Variants in PDCD4 observed in about 807,000 individuals in gnomAD.
The protein encoded by PDCD4 is programmed cell death protein 4.
Under a neutral mutation model 54.0 loss-of-function variants are expected in PDCD4, and 56 were observed. The ratio of observed to expected loss-of-function variants is 1.04; its 90% CI spans 0.84 to 1.30. The LOEUF is 1.30. Among genes scored for constraint, PDCD4 ranks in the 50% most tolerant of loss-of-function variants. PDCD4 has a pLI of 0.00. For missense variants in PDCD4, 584 were observed against 559.8 expected, an observed-to-expected ratio of 1.04 and a Z score of -0.44; for synonymous variants, 186 against 194.8, an observed-to-expected ratio of 0.95 and a Z score of 0.37.
In PDCD4 at chr10:110,887,850, A is replaced by G. The variant is rs1396285430; in HGVS notation, c.741A>G (p.Leu247=). The change falls in exon 6 of 12, where the codon CTA becomes CTG. Residue 247 remains leucine, a synonymous_variant. Transcript: ENST00000280154. Reference sequence around the variant, plus strand: ...CATTTGATAAATTGTTGAAAGATCTACCTGAATTAGCACTGGATACTCCTA... The same window carrying G: ...CATTTGATAAATTGTTGAAAGATCTGCCTGAATTAGCACTGGATACTCCTA... ...EKSFDKLLKD[L]PELALDTPRA... The G allele has an allele frequency of 1.2e-6, 2 of 1,612,996 alleles. No individual in the cohort carries two copies. Among genetic ancestry groups the G allele is most frequent in the East Asian group, 2.2e-5 (1 of 44,836 alleles).
Position 110,873,348 on chromosome 10 carries a change from G to A in PDCD4, c.-63+1330G>A, listed in dbSNP as rs557788105. ...AATTAGCCGTTCGTAGCCGAAGAATGAATACAAGTAATCCTAGTTAATAAA... is the reference window on the plus strand; with the variant it reads ...AATTAGCCGTTCGTAGCCGAAGAATAAATACAAGTAATCCTAGTTAATAAA... On this transcript the variant is annotated intron_variant, in intron 1 of 11. Coordinates refer to ENST00000280154, the MANE Select transcript of PDCD4 (RefSeq NM_014456.5). Among the ~76,000 whole-genome samples, 27 of 152,322 alleles carry A rather than the reference G, an allele frequency of 1.8e-4. 1 individual carries two copies. In the South Asian group the frequency reaches 1.9e-3, roughly 11 times the overall value.
chr10:110,898,805 G>A lies in PDCD4; in HGVS notation c.*717G>A, dbSNP rs1024492157. ...ACTTTAATTTCACACAGTAAATTTT[G>A]AATCTCATAAGGAAGCATATTTGAA... On this transcript the variant is annotated 3_prime_UTR_variant, in exon 12 of 12. Transcript: ENST00000280154. 5.2e-5 allele frequency: 8 copies of A among 152,480 alleles called. No homozygotes were observed. Among genetic ancestry groups the A allele is most frequent in the Non-Finnish European group, 1.2e-4 (8 of 67,994 alleles). 9.4% of individuals were successfully genotyped at this position (152,480 alleles called of 1,614,324 possible).
chr10:110,877,944 A>G (rs1051791902), intron 2 of PDCD4, among the ~76,000 whole-genome samples: 1 of 152,220 alleles, frequency 6.6e-6, no homozygotes, highest in Non-Finnish European at 1.5e-5. Flanking sequence ...GTAATACATG[A>G]AAGTGTGGTA....
chr10:110,884,030 C>A (rs1845632464), intron 4 of PDCD4, among the ~76,000 whole-genome samples: 1 of 152,212 alleles, frequency 6.6e-6, no homozygotes, highest in African/African-American at 2.4e-5. Context: ...GTTTCACTTT[C>A]CGCAGTTTCA....
rs1429801064 is a variant in PDCD4, at chr10:110,899,795, T to G, written c.*1707T>G. On this transcript the variant is annotated 3_prime_UTR_variant, in exon 12 of 12. Transcript: ENST00000280154. ...GGGCAACAAGAGTGAAACTCTTGTC[T>G]CAAAAAAAAAAAAAAATGAGGTTTA... 1 of 71,204 alleles carries G rather than the reference T, an allele frequency of 1.4e-5. No individual in the cohort carries two copies. Among genetic ancestry groups the G allele is most frequent in the Non-Finnish European group, 3.4e-5 (1 of 29,004 alleles). 4.4% of individuals were successfully genotyped at this position (71,204 alleles called of 1,614,324 possible). A position where few individuals can be genotyped will look rare whatever the true frequency, so the allele number is the denominator to read the frequency against.
At position 110,883,006 on chromosome 10, in the gene PDCD4, G is replaced by A. The variant is rs759382340; in HGVS notation, c.350G>A (p.Gly117Asp). The change falls in exon 4 of 12, where the codon GGT (glycine) becomes GAT (aspartate). Residue 117 changes from glycine to aspartate, a missense_variant. By Grantham distance (94) the Gly-to-Asp change is moderately conservative (BLOSUM62 -1). Transcript: ENST00000280154. Reference sequence around the variant, plus strand: ...TCTCAATGCTAAACTTTTTCAGGTGGTGCAGGAGGCAAAGGTGTCTGGGGT... The same window carrying A: ...TCTCAATGCTAAACTTTTTCAGGTGATGCAGGAGGCAAAGGTGTCTGGGGT... ...GKGRGLPKKG[G>D]AGGKGVWGTP... 1 of 1,590,142 alleles carries A rather than the reference G, an allele frequency of 6.3e-7. No individual in the cohort carries two copies. The highest frequency in any genetic ancestry group is 1.1e-5 in the South Asian group (1 of 89,262).
intron 8 of PDCD4, among the ~76,000 whole-genome samples, chr10:110,892,045 T>C (rs973954929): frequency 5.3e-5 from 8 of 152,198 alleles, no homozygotes; most frequent in Non-Finnish European, 1.0e-4. Flanking sequence ...AAAAGATCAG[T>C]ACACAAAATT....
chr10:110,885,812 T>A (rs563640560), intron 5 of PDCD4, among the ~76,000 whole-genome samples: 16 of 151,584 alleles, frequency 1.1e-4, no homozygotes, highest in African/African-American at 3.6e-4. Context: ...TTGTACTTTG[T>A]CCAAAAAAAA....
chr10:110,884,888 G>C (rs1845645643), intron 4 of PDCD4: 1 of 157,628 alleles, frequency 6.3e-6, no homozygotes, highest in South Asian at 2.0e-4. Context: ...CGAACTCTTG[G>C]GCTTAAGAGA....
chr10:110,873,219 G>GA lies in PDCD4; in HGVS notation c.-63+1207dup, dbSNP rs557086826. ...TTTTTCTGTGGTACTAATGTGAAAG[G>GA]AAAAAATATTAGGACTGCAAAAATA... On this transcript the variant is annotated intron_variant, in intron 1 of 11. Coordinates refer to ENST00000280154, the MANE Select transcript of PDCD4 (RefSeq NM_014456.5). 4.0e-3 allele frequency among the ~76,000 whole-genome samples: 605 copies of GA among 152,240 alleles called. 5 individuals carry two copies. The highest frequency in any genetic ancestry group is 0.014 in the African/African-American group (586 of 41,524).
chr10:110,876,692 G>T, intron 2 of PDCD4: 1 of 1,249,182 alleles, frequency 8.0e-7, no homozygotes, highest in South Asian at 2.5e-5. Flanking sequence ...AATTCTCCAT[G>T]GTGCTTCAAT....
chr10:110,883,161 G>C, intron 4 of PDCD4, 64 bp downstream of exon 4: 1 of 1,042,772 alleles, frequency 9.6e-7, no homozygotes, highest in Non-Finnish European at 1.4e-6. Context: ...CTTCATGTTT[G>C]TAGTTTACTC....
chr10:110,876,746 G>C (rs1405352118), intron 2 of PDCD4: 2 of 1,189,952 alleles, frequency 1.7e-6, no homozygotes, highest in South Asian at 3.9e-5. Context: ...TGGAATAGAT[G>C]ACCAAATGTG....
intron 8 of PDCD4, among the ~76,000 whole-genome samples, chr10:110,893,358 A>T (rs1327550): frequency 0.99 from 148,752 of 150,404 alleles, 73,578 homozygotes; most frequent in Non-Finnish European, 1. Flanking sequence ...ATGATTTTTT[A>T]AATTCAGTCA....
At chr10:110,877,663 G>T (rs1845526632) in intron 2 of PDCD4, among the ~76,000 whole-genome samples, 1 of 151,868 alleles carries the variant, frequency 6.6e-6, no homozygotes, top group South Asian at 2.1e-4. Context: ...CCCTGTTCTT[G>T]GTGCTTGTGT....
chr10:110,887,615 A>T (rs754782003), intron 5 of PDCD4, 50 bp from the exon 6 acceptor site: 17 of 1,300,824 alleles, frequency 1.3e-5, no homozygotes, highest in Non-Finnish European at 1.9e-5. Context: ...TTATTGAACT[A>T]TAGGTAGTGA....
rs571114461 is a variant in PDCD4, at chr10:110,892,257, A to C, written c.990+1587A>C. ...CCATGGTTATGGATGAGGATACTTA[A>C]TATTGTTAAGATGGTAATACTCTCC... On this transcript the variant is annotated intron_variant, in intron 8 of 11. Coordinates refer to ENST00000280154, the MANE Select transcript of PDCD4 (RefSeq NM_014456.5). Among the ~76,000 whole-genome samples the C allele has an allele frequency of 5.4e-4, 82 of 152,338 alleles. No individual in the cohort carries two copies. In the Middle Eastern group the frequency reaches 0.014, roughly 25 times the overall value.
At position 110,898,728 on chromosome 10, in the gene PDCD4, T is replaced by C. The variant is rs1233463322; in HGVS notation, c.*640T>C. The C allele has an allele frequency of 3.9e-5, 6 of 152,610 alleles. No individual in the cohort carries two copies. The highest frequency in any genetic ancestry group is 1.4e-4 in the African/African-American group (6 of 41,568). 9.5% of individuals were successfully genotyped at this position (152,610 alleles called of 1,614,324 possible). ...GAAGAATGTACACCAAAATAAAACA[T>C]GTGAAGCAGTATTGATTCTTTATTG... is the stretch of plus-strand genomic sequence containing the variant. On this transcript the variant is annotated 3_prime_UTR_variant, in exon 12 of 12. Coordinates refer to ENST00000280154, the MANE Select transcript of PDCD4 (RefSeq NM_014456.5).
intron 1 of PDCD4, among the ~76,000 whole-genome samples, chr10:110,874,676 A>C (rs1483624550): frequency 2.0e-5 from 3 of 152,194 alleles, no homozygotes; most frequent in African/African-American, 7.2e-5. Context: ...TCTGAGGATT[A>C]TACCATAGTA....
Sources: allele counts gnomAD v4.1 joint callset (sites outside exome capture counted in the v4.1 genomes callset), GRCh38; gene constraint gnomAD v4.1.1; transcripts MANE v1.5; gene names NCBI Gene and HGNC (gene_info 2026-07-23, HGNC 2026-07-21).